COL11A1: variants seen among roughly 807,000 people sequenced by gnomAD.
COL11A1 encodes the protein collagen alpha-1(XI) chain.
A neutral mutation model predicts 265.2 loss-of-function variants in COL11A1; 74 were observed. The observed-to-expected ratio is 0.28, with a 90% confidence interval of 0.23 to 0.34. The LOEUF is 0.34. Among genes scored for constraint, COL11A1 ranks in the 10% least tolerant of loss-of-function variants. The pLI is 1.00. For synonymous variants in COL11A1, 816 were observed against 727.6 expected (o/e 1.12, Z -1.96); for missense variants, 2,165 against 2,263.6 (o/e 0.96, Z 0.88).
At chr1:102,974,086 A>T (rs1020065197) in intron 36 of COL11A1, among the ~76,000 whole-genome samples, 2 of 152,112 alleles carry the variant, frequency 1.3e-5, no homozygotes, top group Non-Finnish European at 2.9e-5. Context: ...AGAGCTGTGG[A>T]TGCTGCTGGG....
chr1:103,028,153 C>G (rs1393496324), intron 5 of COL11A1, among the ~76,000 whole-genome samples: 1 of 152,082 alleles, frequency 6.6e-6, no homozygotes, highest in East Asian at 1.9e-4. Flanking sequence ...GCTTCAGCCT[C>G]CTGAGTAGCT....
chr1:102,991,797 T>G (rs1323633035), intron 28 of COL11A1, among the ~76,000 whole-genome samples: 1 of 151,940 alleles, frequency 6.6e-6, no homozygotes, highest in East Asian at 1.9e-4. Flanking sequence ...ATTCAAACTG[T>G]TATCTTGCAT....
chr1:102,962,803 T>A, intron 38 of COL11A1, 43 bp from the exon 39 acceptor site: 1 of 1,569,560 alleles, frequency 6.4e-7, no homozygotes. Flanking sequence ...CTCTTTTATT[T>A]TTGGCAAAGA....
Position 103,031,182 on chromosome 1 carries a change from A to G in COL11A1, c.714T>C (p.His238=). ...CTGAAGAGTCACAGTCTGGACTATA[A>G]TGCTCACAGTAGTCATATGCTGCCT... is the stretch of plus-strand genomic sequence containing the variant. ...DPKAAYDYCE[H]YSPDCDSSAP... Residue 238 remains histidine, a synonymous_variant, in exon 5 of 67, where the codon CAT becomes CAC. Transcript: ENST00000370096. 6.2e-7 allele frequency: 1 copy of G among 1,612,438 alleles called. No individual in the cohort carries two copies. Among genetic ancestry groups the G allele is most frequent in the African/African-American group, 1.3e-5 (1 of 74,936 alleles).
At chr1:103,034,424 C>T (rs1200091713) in intron 4 of COL11A1, among the ~76,000 whole-genome samples, 1 of 151,962 alleles carries the variant, frequency 6.6e-6, no homozygotes, top group African/African-American at 2.4e-5. Context: ...ACTGATTTGT[C>T]TTCAAGTACA....
chr1:102,905,543 G>A (rs1363139797), intron 54 of COL11A1, among the ~76,000 whole-genome samples: 2 of 148,678 alleles, frequency 1.3e-5, no homozygotes, highest in East Asian at 2.0e-4. Flanking sequence ...TGCTGGGATC[G>A]TGGGTGTGAC....
At chr1:102,992,667 G>T (rs1664253279) in intron 28 of COL11A1, among the ~76,000 whole-genome samples, 1 of 151,874 alleles carries the variant, frequency 6.6e-6, no homozygotes, top group Admixed American at 6.6e-5. Flanking sequence ...CTATAATTTA[G>T]AAAACTAAAT....
chr1:102,934,940 A>G, intron 45 of COL11A1, 120 bp downstream of exon 45: 1 of 884,836 alleles, frequency 1.1e-6, no homozygotes, highest in South Asian at 1.5e-5. Flanking sequence ...AATTTGATTT[A>G]ATGTCAAACA....
chr1:103,074,659 T>C lies in COL11A1; in HGVS notation c.610A>G (p.Thr204Ala). The change falls in exon 4 of 67, where the codon ACG (threonine) becomes GCG (alanine). Residue 204 changes from threonine to alanine, a missense_variant. Thr to Ala is a moderately conservative substitution (Grantham distance 58). Transcript: ENST00000370096. The part of the protein sequence containing the change: ...ERAIVDTNGI[T>A]VFGTRILDEE... ...TCCAAAATCCTTGTTCCAAAAACCGTGATTCCATTGGTATCAACAATTGCT... is the reference window on the plus strand; with the variant it reads ...TCCAAAATCCTTGTTCCAAAAACCGCGATTCCATTGGTATCAACAATTGCT... The C allele has an allele frequency of 6.2e-7, 1 of 1,613,356 alleles. No homozygotes were observed. Among genetic ancestry groups the C allele is most frequent in the Admixed American group, 1.7e-5 (1 of 59,842 alleles).
chr1:102,897,003 T>C (rs1435257771), intron 57 of COL11A1, among the ~76,000 whole-genome samples: 1 of 151,988 alleles, frequency 6.6e-6, no homozygotes, highest in Non-Finnish European at 1.5e-5. Context: ...GCTGATGAGA[T>C]AATGGGCAGA....
chr1:102,981,324 C>T (rs1570935430), intron 31 of COL11A1, among the ~76,000 whole-genome samples: 2 of 151,884 alleles, frequency 1.3e-5, no homozygotes, highest in South Asian at 4.2e-4. Flanking sequence ...CTACGTCTAG[C>T]ACAGTATTAC....
chr1:103,031,922 T>C (rs1436343574), intron 4 of COL11A1, among the ~76,000 whole-genome samples: 1 of 151,996 alleles, frequency 6.6e-6, no homozygotes, highest in African/African-American at 2.4e-5. Context: ...TTCAATAAAA[T>C]CAAAACATTA....
intron 4 of COL11A1, among the ~76,000 whole-genome samples, chr1:103,033,284 T>A (rs1390374167): frequency 6.6e-6 from 1 of 152,050 alleles, no homozygotes; most frequent in East Asian, 1.9e-4. Context: ...GTTTTCTACG[T>A]TTTCTGCCTT....
chr1:102,933,938 C>A (rs1354130985), intron 46 of COL11A1, among the ~76,000 whole-genome samples: 2 of 152,048 alleles, frequency 1.3e-5, no homozygotes, highest in African/African-American at 4.8e-5. Context: ...ATGCCTGGCC[C>A]TGCTTCGGCT....
At chr1:102,973,853 G>T (rs887046322) in intron 36 of COL11A1, among the ~76,000 whole-genome samples, 1 of 152,130 alleles carries the variant, frequency 6.6e-6, no homozygotes, top group African/African-American at 2.4e-5. Context: ...GTTAAGGATT[G>T]TCTTAATATT....
At chr1:103,080,343 T>C (rs991998459) in intron 2 of COL11A1, among the ~76,000 whole-genome samples, 2 of 151,736 alleles carry the variant, frequency 1.3e-5, no homozygotes, top group African/African-American at 2.4e-5. Context: ...AACTAAAAAG[T>C]ATTTACAAAG....
In COL11A1 at chr1:102,978,847, G is replaced by A. The variant is rs371366970; in HGVS notation, c.2709+13C>T. 1.9e-6 allele frequency: 3 copies of A among 1,614,092 alleles called. No homozygotes were observed. The highest frequency in any genetic ancestry group is 2.2e-5 in the East Asian group (1 of 44,868). ...CTACAGTAACATCCAAACAGAAAAA[G>A]TACAGGTGATACCTTTGGCCCAGGT... On this transcript the variant is annotated intron_variant, in intron 34 of 66. Transcript: ENST00000370096.
At position 103,082,839 on chromosome 1, in the gene COL11A1, T is replaced by C. The variant is rs762487713; in HGVS notation, c.240A>G (p.Ala80=). 4 of 1,613,736 alleles carry C rather than the reference T, an allele frequency of 2.5e-6. No individual in the cohort carries two copies. Among genetic ancestry groups the C allele is most frequent in the Non-Finnish European group, 2.5e-6 (3 of 1,179,708 alleles). ...ACTGTTTTGTTGGGGCACTGAGTTG[T>C]GCTTGCTTTGAAACTCTGTAAGCAG... is the stretch of plus-strand genomic sequence containing the variant. ...SDTAYRVSKQ[A]QLSAPTKQLF... The change falls in exon 2 of 67, where the codon GCA becomes GCG. Residue 80 remains alanine, a synonymous_variant. Transcript: ENST00000370096.
intron 1 of COL11A1, among the ~76,000 whole-genome samples, chr1:103,090,697 C>A (rs1393271021): frequency 6.6e-6 from 1 of 152,118 alleles, no homozygotes; most frequent in Non-Finnish European, 1.5e-5. Context: ...GTGTCTAATG[C>A]ATAATACATA....
Sources: allele counts gnomAD v4.1 joint callset (sites outside exome capture counted in the v4.1 genomes callset), GRCh38; gene constraint gnomAD v4.1.1; transcripts MANE v1.5; gene names NCBI Gene and HGNC (gene_info 2026-07-23, HGNC 2026-07-21).